RPS6KC1: variants seen among roughly 807,000 people sequenced by gnomAD.
The protein encoded by RPS6KC1 is ribosomal protein S6 kinase C1, also known as inactive ribosomal protein S6 kinase delta-1.
In RPS6KC1, 54 loss-of-function variants were observed where a neutral mutation model predicts 103.8. The ratio of observed to expected loss-of-function variants is 0.52; its 90% CI spans 0.42 to 0.65. The LOEUF (loss-of-function observed/expected upper bound fraction) is 0.65, where lower values mean the gene tolerates loss of function less well. Ranked by LOEUF, RPS6KC1 falls within the 30% of genes least tolerant of loss-of-function variation. RPS6KC1 has a pLI of 0.00. For synonymous variants in RPS6KC1, 439 were observed against 438.7 expected (o/e 1.00, Z -0.01); for missense variants, 1,151 against 1,253.8 (o/e 0.92, Z 1.24).
the RPS6KC1 span, among the ~76,000 whole-genome samples, chr1:213,399,686 T>C: frequency 1.3e-5 from 2 of 152,114 alleles, no homozygotes; most frequent in Non-Finnish European, 2.9e-5. Context: ...CATCCTGCTC[T>C]TTCAGTCCCA....
chr1:213,168,776 C>CA (rs1221746087), intron 7 of RPS6KC1, among the ~76,000 whole-genome samples: 3 of 152,044 alleles, frequency 2.0e-5, no homozygotes, highest in South Asian at 2.1e-4. Context: ...GCACCCACCA[C>CA]ATGCCCGGCT....
At chr1:213,347,656 A>G in the RPS6KC1 span, among the ~76,000 whole-genome samples, 2 of 152,204 alleles carry the variant, frequency 1.3e-5, no homozygotes, top group Non-Finnish European at 2.9e-5. Flanking sequence ...GTGAGCTATG[A>G]TCACAGCACT....
chr1:213,681,939 C>T, the RPS6KC1 span, among the ~76,000 whole-genome samples: 1 of 152,212 alleles, frequency 6.6e-6, no homozygotes, highest in Non-Finnish European at 1.5e-5. Flanking sequence ...TTCAATGAGT[C>T]CCAGCCCAAC....
chr1:213,137,814 T>A (rs1191531828), intron 6 of RPS6KC1, among the ~76,000 whole-genome samples: 2 of 123,732 alleles, frequency 1.6e-5, no homozygotes, highest in African/African-American at 6.1e-5. Flanking sequence ...TTTTTTTTTT[T>A]TTTTTTTTTT....
the RPS6KC1 span, among the ~76,000 whole-genome samples, chr1:213,745,374 C>G: frequency 6.4e-5 from 9 of 140,386 alleles, no homozygotes; most frequent in Non-Finnish European, 9.1e-5. Context: ...TTTGTGGAAT[C>G]AAAACGCCTC....
At chr1:213,482,369 T>A in the RPS6KC1 span, among the ~76,000 whole-genome samples, 2,078 of 152,134 alleles carry the variant, frequency 0.014, 51 homozygotes, top group African/African-American at 0.048. Flanking sequence ...CCCATGGAGA[T>A]GCTTATTTGT....
chr1:213,297,388 G>A, the RPS6KC1 span, among the ~76,000 whole-genome samples: 1 of 152,160 alleles, frequency 6.6e-6, no homozygotes, highest in Non-Finnish European at 1.5e-5. Flanking sequence ...TGTGAACCGT[G>A]GCCTAGTCAC....
At chr1:213,744,619 A>G in the RPS6KC1 span, among the ~76,000 whole-genome samples, 11 of 152,156 alleles carry the variant, frequency 7.2e-5, no homozygotes, top group Admixed American at 3.9e-4. Flanking sequence ...GATGAATCCA[A>G]TGATCTCTAA....
At chr1:213,188,221 A>G (rs1033332889) in intron 8 of RPS6KC1, among the ~76,000 whole-genome samples, 2 of 151,980 alleles carry the variant, frequency 1.3e-5, no homozygotes, top group African/African-American at 4.8e-5. Flanking sequence ...GGTGGGGACA[A>G]GTCTCCTGCT....
chr1:213,287,582 T>C, the RPS6KC1 span, among the ~76,000 whole-genome samples: 1 of 152,150 alleles, frequency 6.6e-6, no homozygotes, highest in Non-Finnish European at 1.5e-5. Context: ...GGATTTTTTT[T>C]TGTTATTGTT....
the RPS6KC1 span, among the ~76,000 whole-genome samples, chr1:213,452,848 A>C: frequency 6.6e-6 from 1 of 152,224 alleles, no homozygotes; most frequent in Non-Finnish European, 1.5e-5. Flanking sequence ...GGGCTAATCC[A>C]ATATTCATTT....
rs184752273 is a variant in RPS6KC1, at chr1:213,100,542, A to T, written c.263-3912A>T. Among the ~76,000 whole-genome samples, 4 of 152,298 alleles carry T rather than the reference A, an allele frequency of 2.6e-5. No homozygotes were observed. In the East Asian group the frequency reaches 7.7e-4, roughly 29 times the overall value. On this transcript the variant is annotated intron_variant, in intron 3 of 14. Transcript: ENST00000366960. ...AATGAACTTACCACCCAAATAATGA[A>T]TATAGTACCCAATAGATAGTTTCTT...
chr1:213,372,962 G>A, the RPS6KC1 span, among the ~76,000 whole-genome samples: 2 of 152,242 alleles, frequency 1.3e-5, no homozygotes, highest in South Asian at 2.1e-4. Context: ...AATGTTGAAG[G>A]TGTATGTTTG....
At chr1:213,667,956 G>A in the RPS6KC1 span, among the ~76,000 whole-genome samples, 1 of 151,988 alleles carries the variant, frequency 6.6e-6, no homozygotes, top group Non-Finnish European at 1.5e-5. Context: ...CCATCTTCAG[G>A]GTCTACTTCT....
the RPS6KC1 span, among the ~76,000 whole-genome samples, chr1:213,381,248 C>T: frequency 6.6e-6 from 1 of 152,020 alleles, no homozygotes; most frequent in African/African-American, 2.4e-5. Flanking sequence ...GAGCAAACAC[C>T]GCATCTCCTG....
intron 6 of RPS6KC1, among the ~76,000 whole-genome samples, chr1:213,158,994 C>G (rs893555723): frequency 6.6e-6 from 1 of 152,078 alleles, no homozygotes; most frequent in African/African-American, 2.4e-5. Context: ...TTATGATGAT[C>G]TCTCATGTAG....
At chr1:213,730,589 G>C in the RPS6KC1 span, among the ~76,000 whole-genome samples, 4 of 152,108 alleles carry the variant, frequency 2.6e-5, no homozygotes, top group Non-Finnish European at 2.9e-5. Context: ...GTCTGTTCAT[G>C]TCCTTTGCCC....
chr1:213,128,159 T>C (rs1558375646), intron 5 of RPS6KC1, among the ~76,000 whole-genome samples: 1 of 152,206 alleles, frequency 6.6e-6, no homozygotes, highest in Non-Finnish European at 1.5e-5. Flanking sequence ...AAACAACATA[T>C]GACAACAGAT....
chr1:213,659,676 A>C, the RPS6KC1 span, among the ~76,000 whole-genome samples: 2 of 151,990 alleles, frequency 1.3e-5, no homozygotes, highest in African/African-American at 4.8e-5. Context: ...TAAATGTTCA[A>C]GTTTCGATTT....
Sources: allele counts gnomAD v4.1 joint callset (sites outside exome capture counted in the v4.1 genomes callset), GRCh38; gene constraint gnomAD v4.1.1; transcripts MANE v1.5; gene names NCBI Gene and HGNC (gene_info 2026-07-23, HGNC 2026-07-21).